SCARA5: variants seen among roughly 807,000 people sequenced by gnomAD.
SCARA5 encodes the protein scavenger receptor class A, member 5 (putative).
In SCARA5, 45 loss-of-function variants were observed where a neutral mutation model predicts 46.3. The ratio of observed to expected loss-of-function variants is 0.97; its 90% CI spans 0.76 to 1.24. The LOEUF is 1.24. Ranked by LOEUF, SCARA5 falls within the 50% of genes most tolerant of loss-of-function variation. SCARA5 has a pLI of 0.00. For synonymous variants in SCARA5, 333 were observed against 306.5 expected (o/e 1.09, Z -0.90); for missense variants, 680 against 689.0 (o/e 0.99, Z 0.15).
At position 27,966,387 on chromosome 8, in the gene SCARA5, A is replaced by G. The variant is rs769190168; in HGVS notation, c.241+27T>C. ...AGGTCTTCCTTCCTCATCCCAAAAG[A>G]CCAGGACAAAAATGGCCTGCTCTTA... On this transcript the variant is annotated intron_variant, in intron 3 of 8. Transcript: ENST00000354914. The G allele has an allele frequency of 1.5e-5, 24 of 1,579,982 alleles. No homozygotes were observed. In the South Asian group the frequency reaches 2.8e-4, roughly 19 times the overall value.
At chr8:27,908,912 G>C (rs752388749) in intron 5 of SCARA5, 1 of 152,294 alleles carries the variant, frequency 6.6e-6, no homozygotes, top group Non-Finnish European at 1.5e-5. Flanking sequence ...TTAGGAAGCA[G>C]ATGGTTTGGA....
chr8:27,916,568 A>G (rs1807464727), intron 4 of SCARA5, among the ~76,000 whole-genome samples: 1 of 152,224 alleles, frequency 6.6e-6, no homozygotes, highest in Non-Finnish European at 1.5e-5. Flanking sequence ...CAGAAAGGCC[A>G]CTGCAGACAG....
At chr8:27,942,852 T>A (rs1807974130) in intron 3 of SCARA5, among the ~76,000 whole-genome samples, 1 of 152,148 alleles carries the variant, frequency 6.6e-6, no homozygotes, top group Admixed American at 6.6e-5. Flanking sequence ...AGTAACTATA[T>A]CCACTTTACC....
chr8:27,975,144 G>A (rs1808504368), intron 2 of SCARA5, among the ~76,000 whole-genome samples: 3 of 152,088 alleles, frequency 2.0e-5, no homozygotes, highest in Non-Finnish European at 4.4e-5. Flanking sequence ...AATAGCCAGC[G>A]ATTTAATCAA....
Position 27,945,575 on chromosome 8 carries a change from GT to G in SCARA5, c.241+20838del, listed in dbSNP as rs765711139. On this transcript the variant is annotated intron_variant, in intron 3 of 8. Transcript: ENST00000354914. ...ACATAAAGATTTATGAAGCATACAG[GT>G]TGTGCAAAGCAGCAGGTTGGGTACA... is the stretch of plus-strand genomic sequence containing the variant. Among the ~76,000 whole-genome samples, 50 of 152,308 alleles carry G rather than the reference GT, an allele frequency of 3.3e-4. 1 individual carries two copies. In the Middle Eastern group the frequency reaches 0.014, roughly 41 times the overall value.
In SCARA5 at chr8:27,953,535, C is replaced by G. The variant is rs10110643; in HGVS notation, c.241+12879G>C. 9.8e-3 allele frequency among the ~76,000 whole-genome samples: 1,488 copies of G among 152,320 alleles called. 26 individuals are homozygous for G. Among genetic ancestry groups the G allele is most frequent in the African/African-American group, 0.034 (1,420 of 41,568 alleles). ...TAATTGAAGGGAGAAAAAAGGGAGG[C>G]TGCGATGAGAGGGGACAGTGAGTTT... On this transcript the variant is annotated intron_variant, in intron 3 of 8. Coordinates refer to ENST00000354914, the MANE Select transcript of SCARA5 (RefSeq NM_173833.6).
intron 2 of SCARA5, among the ~76,000 whole-genome samples, chr8:27,986,316 C>T (rs923210233): frequency 6.6e-6 from 1 of 152,186 alleles, no homozygotes; most frequent in Non-Finnish European, 1.5e-5. Flanking sequence ...TCCAGAAAGC[C>T]CTCTGCTCGC....
At chr8:27,891,791 C>T (rs187711402) in intron 7 of SCARA5, among the ~76,000 whole-genome samples, 147 of 152,366 alleles carry the variant, frequency 9.6e-4, no homozygotes, top group Non-Finnish European at 1.8e-3. Flanking sequence ...CCTAATCCCT[C>T]ATTTTCCCTT....
intron 3 of SCARA5, among the ~76,000 whole-genome samples, chr8:27,961,214 T>C (rs1383336562): frequency 6.6e-6 from 1 of 152,224 alleles, no homozygotes. Flanking sequence ...AGGTGAGGCC[T>C]AGTGGGAGGT....
intron 3 of SCARA5, among the ~76,000 whole-genome samples, chr8:27,947,979 G>A (rs776678867): frequency 6.6e-5 from 10 of 152,174 alleles, no homozygotes; most frequent in Non-Finnish European, 1.5e-4. Flanking sequence ...CAGGGGCTGG[G>A]GGAATGAGGA....
chr8:27,952,765 T>C (rs1808148809), intron 3 of SCARA5, among the ~76,000 whole-genome samples: 1 of 152,134 alleles, frequency 6.6e-6, no homozygotes, highest in Admixed American at 6.6e-5. Flanking sequence ...GCAAGCATTA[T>C]TTATTGTAGC....
At chr8:27,876,327 G>T (rs1320092816) in intron 8 of SCARA5, among the ~76,000 whole-genome samples, 2 of 152,178 alleles carry the variant, frequency 1.3e-5, no homozygotes, top group African/African-American at 4.8e-5. Flanking sequence ...CAGGGCTGGG[G>T]CACTAACCAC....
At chr8:27,902,382 C>T (rs1807170372) in intron 7 of SCARA5, among the ~76,000 whole-genome samples, 1 of 152,194 alleles carries the variant, frequency 6.6e-6, no homozygotes, top group East Asian at 1.9e-4. Context: ...CACCTCCCTG[C>T]ACCGTAGCTC....
chr8:27,899,808 C>T (rs1037649652), intron 7 of SCARA5, among the ~76,000 whole-genome samples: 1 of 152,228 alleles, frequency 6.6e-6, no homozygotes, highest in Non-Finnish European at 1.5e-5. Context: ...ACACATTCAA[C>T]TTCCACATCC....
intron 2 of SCARA5, among the ~76,000 whole-genome samples, chr8:27,972,942 A>G (rs1808468767): frequency 6.6e-6 from 1 of 152,222 alleles, no homozygotes; most frequent in African/African-American, 2.4e-5. Context: ...CCTTGCATGC[A>G]TCTTTCACAC....
chr8:27,953,848 A>AT (rs577148526), intron 3 of SCARA5, among the ~76,000 whole-genome samples: 26 of 149,840 alleles, frequency 1.7e-4, no homozygotes, highest in Admixed American at 3.3e-4. Flanking sequence ...AAGGTTGAAG[A>AT]TTTTTTTTTT....
In SCARA5 at chr8:27,907,208, G is replaced by A. The variant is rs199844106; in HGVS notation, c.1036C>T (p.Pro346Ser). The A allele has an allele frequency of 6.2e-7, 1 of 1,613,710 alleles. No individual in the cohort carries two copies. Among genetic ancestry groups the A allele is most frequent in the African/African-American group, 1.3e-5 (1 of 74,996 alleles). Residue 346 changes from proline (P) to serine (S), a missense_variant, in exon 6 of 9, where the codon CCC becomes TCC. Coordinates refer to ENST00000354914, the MANE Select transcript of SCARA5 (RefSeq NM_173833.6). ...GERGTPGLPG[P>S]KGDDGKLGAT... ...CCCAGCTTCCCATCATCGCCCTTGG[G>A]CCCGGGCAATCCTGGGGTACCTCTC... is the stretch of plus-strand genomic sequence containing the variant.
chr8:27,891,366 C>T (rs1011434795), intron 7 of SCARA5, among the ~76,000 whole-genome samples: 5 of 152,022 alleles, frequency 3.3e-5, no homozygotes, highest in Non-Finnish European at 5.9e-5. Context: ...CCACCATGCC[C>T]GGCTACTTTT....
At chr8:27,915,329 T>A (rs2685332) in intron 4 of SCARA5, among the ~76,000 whole-genome samples, 1 of 151,606 alleles carries the variant, frequency 6.6e-6, no homozygotes, top group Non-Finnish European at 1.5e-5. Flanking sequence ...GAGCCCCCAA[T>A]GGAGGGTGGT....
Sources: allele counts gnomAD v4.1 joint callset (sites outside exome capture counted in the v4.1 genomes callset), GRCh38; gene constraint gnomAD v4.1.1; transcripts MANE v1.5; gene names NCBI Gene and HGNC (gene_info 2026-07-23, HGNC 2026-07-21).